The following SLC12A2 variants were observed in gnomAD, a reference collection of about 807,000 sequenced individuals.
SLC12A2 encodes solute carrier family 12 member 2, also known as Na-K-2Cl cotransporter 1.
In SLC12A2, 67 loss-of-function variants were observed where a neutral mutation model predicts 136.3. The observed-to-expected ratio is 0.49, with a 90% CI of 0.40 to 0.60. The LOEUF is 0.60. Among genes scored for constraint, SLC12A2 ranks in the 20% least tolerant of loss-of-function variants. The pLI is 0.00. For synonymous variants in SLC12A2, 619 were observed against 562.9 expected, an observed-to-expected ratio of 1.10 and a Z score of -1.41; for missense variants, 1,322 against 1,534.7, an observed-to-expected ratio of 0.86 and a Z score of 2.32.
chr5:128,100,135 T>C (rs1285446363), intron 1 of SLC12A2, among the ~76,000 whole-genome samples: 2 of 152,300 alleles, frequency 1.3e-5, no homozygotes, highest in Admixed American at 1.3e-4. Context: ...GCTCTTAGAA[T>C]GGCTACCACG....
intron 7 of SLC12A2, among the ~76,000 whole-genome samples, chr5:128,137,772 TAGAA>T (rs1393693151): frequency 3.9e-5 from 6 of 152,080 alleles, no homozygotes; most frequent in Admixed American, 3.3e-4. Flanking sequence ...GTTGTTGAAA[TAGAA>T]AGGAACTTTA....
At chr5:128,120,848 TTAAAG>T (rs1761545144) in intron 4 of SLC12A2, among the ~76,000 whole-genome samples, 3 of 151,894 alleles carry the variant, frequency 2.0e-5, no homozygotes, top group Non-Finnish European at 4.4e-5. Flanking sequence ...ACCCTAAAAC[TTAAAG>T]TATAATAATA....
At chr5:128,150,198 T>G in intron 13 of SLC12A2, 100 bp downstream of exon 13, 1 of 715,978 alleles carries the variant, frequency 1.4e-6, no homozygotes. Flanking sequence ...GTGGGGTTAG[T>G]TCATTAATGC....
intron 1 of SLC12A2, among the ~76,000 whole-genome samples, chr5:128,096,875 TAAG>T (rs1000432621): frequency 9.9e-5 from 15 of 151,942 alleles, no homozygotes; most frequent in African/African-American, 3.6e-4. Context: ...GAACAGAAGA[TAAG>T]AAAATCATGA....
intron 1 of SLC12A2, chr5:128,109,682 G>GA: frequency 9.2e-7 from 1 of 1,084,356 alleles, no homozygotes; most frequent in Non-Finnish European, 1.4e-6. Flanking sequence ...TTCTCCAGGC[G>GA]AAAAAGTCTT....
intron 12 of SLC12A2, among the ~76,000 whole-genome samples, chr5:128,149,485 C>G (rs1173645984): frequency 6.6e-6 from 1 of 150,996 alleles, no homozygotes; most frequent in Non-Finnish European, 1.5e-5. Flanking sequence ...ACTTAAAGAG[C>G]CATATACAAT....
chr5:128,135,461 T>C (rs1002511711), intron 6 of SLC12A2, among the ~76,000 whole-genome samples: 2 of 152,080 alleles, frequency 1.3e-5, no homozygotes, highest in African/African-American at 4.8e-5. Flanking sequence ...TTCAGAAATA[T>C]GGCATGATCT....
chr5:128,110,618 C>A, intron 1 of SLC12A2: 1 of 1,055,358 alleles, frequency 9.5e-7, no homozygotes, highest in Non-Finnish European at 1.5e-6. Flanking sequence ...TATCACCTGC[C>A]ATATTTACTA....
At chr5:128,098,528 T>C (rs1004198643) in intron 1 of SLC12A2, among the ~76,000 whole-genome samples, 4 of 151,966 alleles carry the variant, frequency 2.6e-5, no homozygotes, top group African/African-American at 9.7e-5. Context: ...TACATTTTCC[T>C]GTTTATTTGG....
chr5:128,146,688 A>G (rs1288819564), intron 10 of SLC12A2, among the ~76,000 whole-genome samples: 3 of 151,668 alleles, frequency 2.0e-5, no homozygotes, highest in African/African-American at 4.8e-5. Context: ...CCTATCCCAG[A>G]TTATTTAGAG....
chr5:128,152,008 G>A (rs567289093), intron 14 of SLC12A2, among the ~76,000 whole-genome samples: 39 of 152,216 alleles, frequency 2.6e-4, no homozygotes, highest in African/African-American at 9.1e-4. Flanking sequence ...ATTGGTCCCG[G>A]TATTGAGCAT....
chr5:128,167,311 CTT>C (rs1763234449), intron 17 of SLC12A2, among the ~76,000 whole-genome samples: 2 of 152,082 alleles, frequency 1.3e-5, no homozygotes, highest in South Asian at 4.1e-4. Flanking sequence ...TCAGCAAAAA[CTT>C]TTGCATGATT....
intron 10 of SLC12A2, among the ~76,000 whole-genome samples, chr5:128,143,187 G>T (rs1407065262): frequency 6.6e-6 from 1 of 152,076 alleles, no homozygotes; most frequent in Non-Finnish European, 1.5e-5. Flanking sequence ...TTACGAGTAA[G>T]TATTTTTATT....
At position 128,178,586 on chromosome 5, in the gene SLC12A2, G is replaced by C; in HGVS notation, c.2997G>C (p.Val999=). ...LLKKESKGPI[V]PLNVADQKLL... The stretch of plus-strand genomic sequence containing the variant: ...CTTTAGAATCCAAAGGCCCTATTGT[G>C]CCTTTAAATGTAGCTGACCAAAAGC... The change falls in exon 22 of 27, where the codon GTG becomes GTC. Residue 999 remains valine, a synonymous_variant. Transcript: ENST00000262461. 4 of 1,590,902 alleles carry C rather than the reference G, an allele frequency of 2.5e-6. No homozygotes were observed. Among genetic ancestry groups the C allele is most frequent in the Non-Finnish European group, 3.4e-6 (4 of 1,170,734 alleles).
intron 22 of SLC12A2, 26 bp downstream of exon 22, chr5:128,178,715 G>T: frequency 6.7e-7 from 1 of 1,503,580 alleles, no homozygotes; most frequent in Non-Finnish European, 8.9e-7. Context: ...TTTTTAAAAT[G>T]ATTTTAAATT....
rs1246576085 is a variant in SLC12A2 at position 128,177,142 on chromosome 5, G to A, written c.2967G>A (p.Leu989=). 6.3e-7 allele frequency: 1 copy of A among 1,592,148 alleles called. No individual in the cohort carries two copies. Among genetic ancestry groups the A allele is most frequent in the African/African-American group, 1.4e-5 (1 of 73,510 alleles). Residue 989 remains leucine (L), a synonymous_variant, in exon 21 of 27, where the codon CTG becomes CTA. Coordinates refer to ENST00000262461, the MANE Select transcript of SLC12A2 (RefSeq NM_001046.3). ...ATGGCAAGACTGCAACTCAACCACT[G>A]TTGAAAAAAGGCAGGCATTTTTCAT... is the stretch of plus-strand genomic sequence containing the variant. ...EEDGKTATQP[L]LKKESKGPIV...
intron 1 of SLC12A2, among the ~76,000 whole-genome samples, chr5:128,087,015 C>G (rs973612666): frequency 3.3e-5 from 5 of 152,222 alleles, no homozygotes; most frequent in Non-Finnish European, 7.3e-5. Context: ...GGGACTAACT[C>G]TGTGTTGGGA....
chr5:128,109,549 A>C (rs1227856185), intron 1 of SLC12A2: 15 of 684,616 alleles, frequency 2.2e-5, no homozygotes, highest in Non-Finnish European at 4.1e-5. Flanking sequence ...TGCTGGGTGG[A>C]GAAAGGCAGC....
At chr5:128,102,596 C>CTCTTT (rs1760783444) in intron 1 of SLC12A2, among the ~76,000 whole-genome samples, 1 of 40,448 alleles carries the variant, frequency 2.5e-5, no homozygotes, top group Non-Finnish European at 4.9e-5. Context: ...CCCCCCCCGC[C>CTCTTT]TTTTTTTTTT....
Sources: allele counts gnomAD v4.1 joint callset (sites outside exome capture counted in the v4.1 genomes callset), GRCh38; gene constraint gnomAD v4.1.1; transcripts MANE v1.5; gene names NCBI Gene and HGNC (gene_info 2026-07-23, HGNC 2026-07-21).